The following TMEM266 variants were observed in gnomAD, a reference collection of about 807,000 sequenced individuals.
The protein encoded by TMEM266 is Hv1 related protein 1.
A neutral mutation model predicts 50.5 loss-of-function variants in TMEM266; 33 were observed. That is an observed-to-expected ratio of 0.65 (90% confidence interval 0.50 to 0.87). TMEM266 has a LOEUF of 0.87. Among genes scored for constraint, TMEM266 ranks in the 40% least tolerant of loss-of-function variants. The pLI is 0.00. For synonymous variants in TMEM266, 310 were observed against 292.3 expected (o/e 1.06, Z -0.62); for missense variants, 655 against 695.1 (o/e 0.94, Z 0.65).
At chr15:76,070,273 A>T (rs1224941403) in intron 1 of TMEM266, among the ~76,000 whole-genome samples, 1 of 152,212 alleles carries the variant, frequency 6.6e-6, no homozygotes, top group Admixed American at 6.5e-5. Context: ...AGGAAGAAGG[A>T]GGAAGGATGA....
In TMEM266 at chr15:76,203,883, T is replaced by C; in HGVS notation, c.1164T>C (p.Ser388=). 16 of 1,613,902 alleles carry C rather than the reference T, an allele frequency of 9.9e-6. No homozygotes were observed. Among genetic ancestry groups the C allele is most frequent in the South Asian group, 5.5e-5 (5 of 91,064 alleles). Residue 388 remains serine, a synonymous_variant, in exon 11 of 11, where the codon AGT becomes AGC. Transcript: ENST00000388942. ...ATGGCACCAGCGCCACCTCGGAGAGTGCCTCCCGCAGCTCAGTCACCCGGG... is the reference window on the plus strand; with the variant it reads ...ATGGCACCAGCGCCACCTCGGAGAGCGCCTCCCGCAGCTCAGTCACCCGGG...
intron 3 of TMEM266, among the ~76,000 whole-genome samples, chr15:76,146,399 A>T (rs2037756349): frequency 6.6e-6 from 1 of 152,198 alleles, no homozygotes; most frequent in South Asian, 2.1e-4. Context: ...GTTATTTTAT[A>T]TCTTAGGGTT....
At chr15:76,106,162 C>T (rs929680343) in intron 1 of TMEM266, among the ~76,000 whole-genome samples, 10 of 152,128 alleles carry the variant, frequency 6.6e-5, no homozygotes, top group Non-Finnish European at 1.3e-4. Flanking sequence ...CCCCCAGCCC[C>T]TGCAAAGAAT....
rs116653207 is a variant in TMEM266 at position 76,117,211 on chromosome 15, G to T, written c.-96-16957G>T. 9.7e-3 allele frequency among the ~76,000 whole-genome samples: 1,467 copies of T among 151,914 alleles called. 31 individuals carry two copies. The highest frequency in any genetic ancestry group is 0.034 in the African/African-American group (1,389 of 41,446). ...AGTACACCCAGCCGAATCCATCAGG[G>T]TCTTACACTTGATGCATAAATTTGA... On this transcript the variant is annotated intron_variant, in intron 1 of 10. Transcript: ENST00000388942.
intron 5 of TMEM266, among the ~76,000 whole-genome samples, chr15:76,164,768 C>T (rs142554178): frequency 1.5e-4 from 23 of 152,366 alleles, no homozygotes; most frequent in African/African-American, 4.3e-4. Context: ...CACCACCCTA[C>T]GCCCCCAACC....
At chr15:76,199,549 G>C (rs1404149116) in intron 9 of TMEM266, among the ~76,000 whole-genome samples, 1 of 151,454 alleles carries the variant, frequency 6.6e-6, no homozygotes, top group Non-Finnish European at 1.5e-5. Context: ...CTGGGTGTCC[G>C]TGCTGGCCAC....
At chr15:76,094,873 A>G (rs2036900393) in intron 1 of TMEM266, among the ~76,000 whole-genome samples, 1 of 151,910 alleles carries the variant, frequency 6.6e-6, no homozygotes, top group Non-Finnish European at 1.5e-5. Flanking sequence ...ATTCTCTTTT[A>G]GCAATTGTGA....
chr15:76,109,073 G>A (rs1297573225), intron 1 of TMEM266: 1 of 152,148 alleles, frequency 6.6e-6, no homozygotes, highest in Non-Finnish European at 1.5e-5. Flanking sequence ...CTGGGACCGG[G>A]TCACCTGAGA....
intron 1 of TMEM266, among the ~76,000 whole-genome samples, chr15:76,127,569 A>T (rs894905075): frequency 2.6e-5 from 4 of 151,982 alleles, no homozygotes; most frequent in Non-Finnish European, 5.9e-5. Context: ...CAAGTGATCC[A>T]CCCACCTCAG....
chr15:76,198,011 C>T (rs768034003), intron 9 of TMEM266, among the ~76,000 whole-genome samples: 4 of 152,206 alleles, frequency 2.6e-5, no homozygotes, highest in Admixed American at 6.5e-5. Context: ...GGAAGAAAGG[C>T]GCCAGGCAGC....
intron 1 of TMEM266, among the ~76,000 whole-genome samples, chr15:76,065,824 G>GT (rs1346794657): frequency 1.3e-5 from 2 of 152,038 alleles, no homozygotes; most frequent in Non-Finnish European, 2.9e-5. Context: ...TCTGGCTCTC[G>GT]TTTAGTTTGT....
chr15:76,082,101 T>C lies in TMEM266; in HGVS notation c.-97+22085T>C, dbSNP rs559452617. Among the ~76,000 whole-genome samples, 46 of 152,342 alleles carry C rather than the reference T, an allele frequency of 3.0e-4. 1 individual carries two copies. Among genetic ancestry groups the C allele is most frequent in the Non-Finnish European group, 6.0e-4 (41 of 68,038 alleles). On this transcript the variant is annotated intron_variant, in intron 1 of 10. Transcript: ENST00000388942. ...GTATTGCATCAACAAACTCAAGTCA[T>C]GTCTTTGCTTAAAAACACTCTTCCC...
Position 76,137,790 on chromosome 15 carries a change from A to G in TMEM266, c.122A>G (p.Gln41Arg), listed in dbSNP as rs776195376. The G allele has an allele frequency of 1.9e-6, 3 of 1,614,178 alleles. No homozygotes were observed. The South Asian group carries it at 3.3e-5, about 18-fold the overall frequency. The change falls in exon 3 of 11, where the codon CAG becomes CGG. Residue 41 changes from glutamine to arginine, a missense_variant. Gln to Arg is a conservative substitution (Grantham distance 43). Around this residue, in one of 3 missense-constraint regions of TMEM266, gnomAD observed 99 missense variants for 110.8 expected, o/e 0.89. Coordinates refer to ENST00000388942, the MANE Select transcript of TMEM266 (RefSeq NM_152335.3). ...GAAACCAAGAGCATTGCTCCTGTGC[A>G]GCTGGTGAACTTTGCCTATCGGGAC...
At chr15:76,095,131 C>G (rs752308911) in intron 1 of TMEM266, among the ~76,000 whole-genome samples, 4 of 152,038 alleles carry the variant, frequency 2.6e-5, no homozygotes, top group Non-Finnish European at 5.9e-5. Flanking sequence ...ATTGCCCTGA[C>G]CAGAACTTCC....
intron 1 of TMEM266, among the ~76,000 whole-genome samples, chr15:76,083,631 T>C (rs1227449612): frequency 6.6e-6 from 1 of 152,250 alleles, no homozygotes; most frequent in African/African-American, 2.4e-5. Flanking sequence ...TCTCCTTTTA[T>C]GTGCTGGTAG....
At chr15:76,180,584 ACTCT>A (rs1277432676) in intron 8 of TMEM266, among the ~76,000 whole-genome samples, 6 of 114,816 alleles carry the variant, frequency 5.2e-5, no homozygotes, top group Non-Finnish European at 8.9e-5. Context: ...CTGCACAGTT[ACTCT>A]CTGTTTCTTC....
At chr15:76,119,170 A>G (rs1048173431) in intron 1 of TMEM266, among the ~76,000 whole-genome samples, 1 of 152,158 alleles carries the variant, frequency 6.6e-6, no homozygotes, top group Non-Finnish European at 1.5e-5. Context: ...TATACCAGTA[A>G]TTAAAAGCGA....
Position 76,148,354 on chromosome 15 carries a change from G to T in TMEM266, c.228-8250G>T, listed in dbSNP as rs559318087. On this transcript the variant is annotated intron_variant, in intron 3 of 10. Coordinates refer to ENST00000388942, the MANE Select transcript of TMEM266 (RefSeq NM_152335.3). ...AACCTGGAAAGAGCTGGTGGGTGGG[G>T]TGCCGATTTGTTCCCTCGTTCTCAC... Among the ~76,000 whole-genome samples the T allele has an allele frequency of 2.0e-5, 3 of 152,278 alleles. No individual in the cohort carries two copies. In the East Asian group the frequency reaches 5.8e-4, roughly 29 times the overall value.
intron 6 of TMEM266, among the ~76,000 whole-genome samples, 159 bp downstream of exon 6, chr15:76,170,031 G>A (rs1177858618): frequency 3.9e-5 from 6 of 152,042 alleles, no homozygotes; most frequent in Non-Finnish European, 7.4e-5. Flanking sequence ...CAGGGAGGGG[G>A]AACTGAGACT....
Sources: gnomAD v4.1 joint callset for allele counts (sites outside exome capture counted in the v4.1 genomes callset) on GRCh38, gnomAD v4.1.1 for gene constraint, gnomAD v4.1.1 regional missense constraint, MANE v1.5 for transcripts, NCBI Gene and HGNC (gene_info 2026-07-23, HGNC 2026-07-21) for gene names.